The following KIAA0319 variants were observed in gnomAD, a reference collection of about 807,000 sequenced individuals.
The protein encoded by KIAA0319 is KIAA0319, also known as dyslexia-associated protein KIAA0319.
In KIAA0319, 83 loss-of-function variants were observed where a neutral mutation model predicts 108.4. That is an observed-to-expected ratio of 0.77 (90% CI 0.64 to 0.92). The LOEUF (loss-of-function observed/expected upper bound fraction) is 0.92, where lower values mean the gene tolerates loss of function less well. Among genes scored for constraint, KIAA0319 ranks in the 40% least tolerant of loss-of-function variants. The probability of loss-of-function intolerance (pLI) is 0.00; values close to 1 mark genes in which losing one functional copy is unlikely to be tolerated. For synonymous variants in KIAA0319, 484 were observed against 510.4 expected (o/e 0.95, Z 0.70); for missense variants, 1,195 against 1,322.4 (o/e 0.90, Z 1.49).
downstream of KIAA0319, among the ~76,000 whole-genome samples, chr6:24,541,928 C>T (rs769877268): frequency 6.6e-6 from 1 of 151,666 alleles, no homozygotes; most frequent in Non-Finnish European, 1.5e-5. Context: ...TCATTTGAGG[C>T]CAGGAGTTCG....
At chr6:24,575,902 A>C (rs1047004210) in intron 10 of KIAA0319, among the ~76,000 whole-genome samples, 2 of 152,234 alleles carry the variant, frequency 1.3e-5, no homozygotes, top group Non-Finnish European at 2.9e-5. Context: ...GTTGTTAGAC[A>C]AATATATTTA....
chr6:24,550,306 C>T (rs1489710372), intron 20 of KIAA0319, among the ~76,000 whole-genome samples: 1 of 152,244 alleles, frequency 6.6e-6, no homozygotes, highest in African/African-American at 2.4e-5. Context: ...CAGGGCCTAA[C>T]CCGGTGCCTG....
At chr6:24,597,944 A>AAAAAAAC (rs1769969133) in intron 2 of KIAA0319, 1 of 148,098 alleles carries the variant, frequency 6.8e-6, no homozygotes, top group Non-Finnish European at 1.4e-5. Context: ...AAAAAAAAAA[A>AAAAAAAC]AAAAAACCAC....
intron 1 of KIAA0319, among the ~76,000 whole-genome samples, chr6:24,638,594 A>G (rs1276828544): frequency 6.6e-6 from 1 of 152,146 alleles, no homozygotes; most frequent in Admixed American, 6.5e-5. Context: ...ACCTGTCTCT[A>G]CTAAAAATAC....
intron 1 of KIAA0319, among the ~76,000 whole-genome samples, chr6:24,635,620 G>T (rs1273079426): frequency 1.3e-5 from 2 of 152,156 alleles, no homozygotes; most frequent in African/African-American, 4.8e-5. Flanking sequence ...GGGTCCATGT[G>T]GAAAGAACCC....
At position 24,556,701 on chromosome 6, in the gene KIAA0319, A is replaced by G. The variant is rs762322354; in HGVS notation, c.2763T>C (p.Gly921=). 16 of 1,613,860 alleles carry G rather than the reference A, an allele frequency of 9.9e-6. No individual in the cohort carries two copies. The South Asian group carries it at 1.6e-4, about 17-fold the overall frequency. Reference sequence around the variant, plus strand: ...AGCGCTTTGTGAGGGGGTCGCAGTGACCATGGCCAGAACACTTCAGAAGGC... The same window carrying G: ...AGCGCTTTGTGAGGGGGTCGCAGTGGCCATGGCCAGAACACTTCAGAAGGC... The part of the protein sequence containing the change: ...AGCLLKCSGH[G]HCDPLTKRCI... The change falls in exon 18 of 21, where the codon GGT becomes GGC. Residue 921 remains glycine (G), a synonymous_variant. Transcript: ENST00000378214.
rs186126799 is a variant in KIAA0319 at position 24,575,885 on chromosome 6, T to A, written c.1734+483A>T. Among the ~76,000 whole-genome samples the A allele has an allele frequency of 2.9e-3, 445 of 152,286 alleles. 2 individuals are homozygous for A. Among genetic ancestry groups the A allele is most frequent in the Middle Eastern group, 6.8e-3 (2 of 294 alleles). ...CACACACACAACAGAAGTTTCAAGA[T>A]TATTATGTTGTTAGACAAATATATT... On this transcript the variant is annotated intron_variant, in intron 10 of 20. Coordinates refer to ENST00000378214, the MANE Select transcript of KIAA0319 (RefSeq NM_014809.4).
chr6:24,547,835 C>A (rs1263790651), intron 20 of KIAA0319, among the ~76,000 whole-genome samples: 1 of 152,116 alleles, frequency 6.6e-6, no homozygotes, highest in Non-Finnish European at 1.5e-5. Context: ...GATTCAATTC[C>A]TACTCTCAAA....
At position 24,558,164 on chromosome 6, in the gene KIAA0319, A is replaced by C. The variant is rs9467228; in HGVS notation, c.2734+849T>G. 3.0e-3 allele frequency among the ~76,000 whole-genome samples: 463 copies of C among 152,198 alleles called. 4 individuals carry two copies. Among genetic ancestry groups the C allele is most frequent in the Middle Eastern group, 0.01 (3 of 294 alleles). ...GGGCGTGGTGGCTCAGCACTTTGGG[A>C]AGCTGAGGTGGGTGGATCACTTGAG... On this transcript the variant is annotated intron_variant, in intron 17 of 20. Coordinates refer to ENST00000378214, the MANE Select transcript of KIAA0319 (RefSeq NM_014809.4).
intron 1 of KIAA0319, among the ~76,000 whole-genome samples, chr6:24,623,616 C>T (rs142019490): frequency 5.5e-4 from 83 of 152,118 alleles, no homozygotes; most frequent in African/African-American, 1.7e-3. Context: ...AGTGGAACAA[C>T]GAGGGCAATG....
intron 1 of KIAA0319, among the ~76,000 whole-genome samples, chr6:24,616,062 A>G (rs115395954): frequency 6.6e-6 from 1 of 152,372 alleles, no homozygotes; most frequent in African/African-American, 2.4e-5. Context: ...GTCAAAGTGA[A>G]TAATTTTTCC....
chr6:24,611,507 A>G (rs1582222535), intron 1 of KIAA0319, among the ~76,000 whole-genome samples: 1 of 152,190 alleles, frequency 6.6e-6, no homozygotes, highest in Non-Finnish European at 1.5e-5. Context: ...TCAAAAAAAG[A>G]AAAGAAAAAT....
intron 4 of KIAA0319, among the ~76,000 whole-genome samples, chr6:24,583,997 T>C (rs955268593): frequency 3.9e-5 from 6 of 152,198 alleles, no homozygotes; most frequent in Non-Finnish European, 7.3e-5. Flanking sequence ...ACAGGTTTCA[T>C]GCAACTGTGA....
chr6:24,605,918 T>A (rs2127542823), intron 1 of KIAA0319, among the ~76,000 whole-genome samples: 1 of 152,014 alleles, frequency 6.6e-6, no homozygotes, highest in East Asian at 1.9e-4. Flanking sequence ...ACAAAATTAC[T>A]GAGAGATGTT....
chr6:24,588,428 T>C (rs1767902374), intron 4 of KIAA0319, among the ~76,000 whole-genome samples, 165 bp downstream of exon 4: 3 of 152,206 alleles, frequency 2.0e-5, no homozygotes, highest in Admixed American at 2.0e-4. Flanking sequence ...GAAAAGACAA[T>C]GTCTTATTCA....
chr6:24,645,381 G>A (rs1487248976), intron 1 of KIAA0319, among the ~76,000 whole-genome samples: 1 of 152,180 alleles, frequency 6.6e-6, no homozygotes, highest in Non-Finnish European at 1.5e-5. Context: ...AGAAGAGAAA[G>A]ATTTTAAGCT....
At chr6:24,625,499 T>C (rs188614891) in intron 1 of KIAA0319, among the ~76,000 whole-genome samples, 120 of 152,292 alleles carry the variant, frequency 7.9e-4, no homozygotes, top group African/African-American at 2.7e-3. Flanking sequence ...CTGAAAAGCT[T>C]TGCCCCTAAG....
At chr6:24,563,264 T>C in intron 16 of KIAA0319, 95 bp downstream of exon 16, 3 of 1,360,862 alleles carry the variant, frequency 2.2e-6, no homozygotes, top group Non-Finnish European at 3.0e-6. Flanking sequence ...AATACAAAAG[T>C]AGCAGAGGAA....
Position 24,606,317 on chromosome 6 carries a change from G to T in KIAA0319, c.-105-5109C>A, listed in dbSNP as rs1771400705. 2.6e-5 allele frequency among the ~76,000 whole-genome samples: 4 copies of T among 152,156 alleles called. No individual in the cohort carries two copies. The South Asian group carries it at 8.3e-4, about 32-fold the overall frequency. On this transcript the variant is annotated intron_variant, in intron 1 of 20. Coordinates refer to ENST00000378214, the MANE Select transcript of KIAA0319 (RefSeq NM_014809.4). Reference sequence around the variant, plus strand: ...ATTCCTTCTCTAGGCTTCCGATCATGCATGACCCCTAGGCCATCTGAGAAG... The same window carrying T: ...ATTCCTTCTCTAGGCTTCCGATCATTCATGACCCCTAGGCCATCTGAGAAG...
Sources: allele counts gnomAD v4.1 joint callset (sites outside exome capture counted in the v4.1 genomes callset), GRCh38; gene constraint gnomAD v4.1.1; transcripts MANE v1.5; gene names NCBI Gene and HGNC (gene_info 2026-07-23, HGNC 2026-07-21).